Variants in MAP2 observed in about 807,000 individuals in gnomAD.
MAP2 encodes the protein microtubule-associated protein 2.
MAP2 carries 14 observed loss-of-function variants against 137.6 expected under a neutral mutation model. The ratio of observed to expected loss-of-function variants is 0.10; its 90% CI spans 0.07 to 0.16. MAP2 has a LOEUF of 0.16. MAP2 is among the 10% of genes least tolerant of loss of function. MAP2 has a pLI of 1.00. For missense variants in MAP2, 2,088 were observed against 2,191.5 expected (o/e 0.95, Z 0.94); for synonymous variants, 786 against 782.3 (o/e 1.00, Z -0.08).
chr2:209,595,684 G>A (rs749994632), intron 3 of MAP2, among the ~76,000 whole-genome samples: 3 of 152,064 alleles, frequency 2.0e-5, no homozygotes, highest in Non-Finnish European at 4.4e-5. Flanking sequence ...CCCTATTCAC[G>A]ATAGCAAAAC....
At chr2:209,448,937 T>C (rs1423107620) in intron 1 of MAP2, among the ~76,000 whole-genome samples, 1 of 152,212 alleles carries the variant, frequency 6.6e-6, no homozygotes, top group African/African-American at 2.4e-5. Context: ...ACCTGCATAC[T>C]TATGGTACTT....
rs1172416110 is a variant in MAP2, at chr2:209,485,380, C to CT, written c.-221-22202dup. ...GGATTATAAGCCCCACCTCCTATAA[C>CT]TTTTTTTTTTATTGTGTCAGAAGTT... On this transcript the variant is annotated intron_variant, in intron 1 of 15. Transcript: ENST00000682079. Among the ~76,000 whole-genome samples, 977 of 149,558 alleles carry CT rather than the reference C, an allele frequency of 6.5e-3. 8 individuals carry two copies. Among genetic ancestry groups the CT allele is most frequent in the African/African-American group, 0.022 (915 of 40,902 alleles).
At chr2:209,492,760 T>C (rs563297229) in intron 1 of MAP2, among the ~76,000 whole-genome samples, 2 of 152,244 alleles carry the variant, frequency 1.3e-5, no homozygotes, top group South Asian at 4.1e-4. Flanking sequence ...CAAGGAGAAC[T>C]ACAAACCACT....
At chr2:209,464,198 A>G (rs1448902801) in intron 1 of MAP2, among the ~76,000 whole-genome samples, 1 of 152,172 alleles carries the variant, frequency 6.6e-6, no homozygotes, top group Non-Finnish European at 1.5e-5. Context: ...ATAGATGATT[A>G]TATCTCAGTA....
intron 1 of MAP2, among the ~76,000 whole-genome samples, chr2:209,444,019 T>G (rs995999340): frequency 3.3e-5 from 5 of 151,610 alleles, no homozygotes; most frequent in African/African-American, 1.2e-4. Flanking sequence ...AACATTTCCT[T>G]TGTATAATAG....
chr2:209,629,122 A>T (rs964077707), intron 4 of MAP2, among the ~76,000 whole-genome samples: 1 of 152,228 alleles, frequency 6.6e-6, no homozygotes, highest in Non-Finnish European at 1.5e-5. Context: ...GCACATAGAC[A>T]AATCAGGAAC....
In MAP2 at chr2:209,520,000, G is replaced by A. The variant is rs143686305; in HGVS notation, c.-172+12359G>A. Among the ~76,000 whole-genome samples, 36 of 152,146 alleles carry A rather than the reference G, an allele frequency of 2.4e-4. No individual in the cohort carries two copies. The East Asian group carries it at 6.8e-3, about 29-fold the overall frequency. ...AAGGTCTTAAATTTCTACTTGAAATGTGTTTCAGACTGGACATCCTAGCTT... is the reference window on the plus strand; with the variant it reads ...AAGGTCTTAAATTTCTACTTGAAATATGTTTCAGACTGGACATCCTAGCTT... On this transcript the variant is annotated intron_variant, in intron 2 of 15. Transcript: ENST00000682079.
intron 1 of MAP2, among the ~76,000 whole-genome samples, chr2:209,447,721 A>G (rs1298156077): frequency 6.6e-6 from 1 of 152,016 alleles, no homozygotes; most frequent in East Asian, 1.9e-4. Flanking sequence ...TTGTTTCCCA[A>G]TTCTCTAAGT....
intron 5 of MAP2, among the ~76,000 whole-genome samples, chr2:209,670,758 A>G (rs2048469964): frequency 6.6e-6 from 1 of 151,996 alleles, no homozygotes; most frequent in Admixed American, 6.6e-5. Context: ...AATCCGTTTC[A>G]GAAGAGGACC....
rs1489082867 is a variant in MAP2, at chr2:209,493,881, C to G, written c.-221-13711C>G. ...ATTGTGAAAGACAGTATGGCGATTC[C>G]TCAATGATCTAGAACCAGGAATACC... On this transcript the variant is annotated intron_variant, in intron 1 of 15. Coordinates refer to ENST00000682079, the MANE Select transcript of MAP2 (RefSeq NM_001375505.1). 2.0e-5 allele frequency among the ~76,000 whole-genome samples: 3 copies of G among 152,308 alleles called. No homozygotes were observed. The East Asian group carries it at 5.8e-4, about 29-fold the overall frequency.
intron 1 of MAP2, among the ~76,000 whole-genome samples, chr2:209,463,445 A>G (rs1005894545): frequency 6.6e-6 from 1 of 151,950 alleles, no homozygotes; most frequent in Non-Finnish European, 1.5e-5. Context: ...AGGCCTGAGA[A>G]TGTTTTTCTT....
At chr2:209,667,006 T>C (rs2153652608) in intron 5 of MAP2, among the ~76,000 whole-genome samples, 1 of 151,994 alleles carries the variant, frequency 6.6e-6, no homozygotes, top group South Asian at 2.1e-4. Flanking sequence ...TAGAAAGTGG[T>C]TTTCTTCACC....
chr2:209,464,657 T>G lies in MAP2; in HGVS notation c.-222+40381T>G, dbSNP rs558163603. Among the ~76,000 whole-genome samples the G allele has an allele frequency of 2.0e-5, 3 of 152,180 alleles. No individual in the cohort carries two copies. In the South Asian group the frequency reaches 6.2e-4, roughly 32 times the overall value. On this transcript the variant is annotated intron_variant, in intron 1 of 15. Transcript: ENST00000682079. Reference sequence around the variant, plus strand: ...TTATACTGTATTTATCAGTAACACATTAATAATAAAATTGCTTAGGTTAGA... The same window carrying G: ...TTATACTGTATTTATCAGTAACACAGTAATAATAAAATTGCTTAGGTTAGA...
At chr2:209,672,301 T>C (rs920646401) in intron 5 of MAP2, among the ~76,000 whole-genome samples, 9 of 151,836 alleles carry the variant, frequency 5.9e-5, no homozygotes, top group African/African-American at 2.2e-4. Context: ...GAGGTACTCA[T>C]TGGGAAAAAT....
chr2:209,554,062 T>C (rs1444519143), intron 2 of MAP2, among the ~76,000 whole-genome samples: 1 of 152,188 alleles, frequency 6.6e-6, no homozygotes, highest in Non-Finnish European at 1.5e-5. Context: ...GTGTTCAAGA[T>C]ACCTGTTTCA....
rs2060075745 is a variant in MAP2 at position 209,695,969 on chromosome 2, G to C, written c.3799G>C (p.Glu1267Gln). ...TGACCTGGGTGTCTCAGGTGCCAGG[G>C]AGGAATTTGTGGAGACCTGCCCAAG... Reference protein sequence around the residue: ...ITDLGVSGAREEFVETCPSEH... With the variant: ...ITDLGVSGARQEFVETCPSEH... The change falls in exon 8 of 16, where the codon GAG becomes CAG. Residue 1267 changes from glutamate (E) to glutamine (Q), a missense_variant. By Grantham distance (29) the Glu-to-Gln change is conservative (BLOSUM62 2). Around this residue, in one of 6 missense-constraint regions of MAP2, gnomAD observed 591 missense variants for 642.6 expected, o/e 0.92. Transcript: ENST00000682079. 1.2e-6 allele frequency: 2 copies of C among 1,614,124 alleles called. No homozygotes were observed. Among genetic ancestry groups the C allele is most frequent in the East Asian group, 4.5e-5 (2 of 44,870 alleles).
intron 1 of MAP2, among the ~76,000 whole-genome samples, chr2:209,499,746 G>A (rs1263656593): frequency 6.6e-6 from 1 of 152,146 alleles, no homozygotes; most frequent in Non-Finnish European, 1.5e-5. Flanking sequence ...GGTGAAAGCA[G>A]GAGCAAGCCA....
At chr2:209,612,067 A>G (rs1022699184) in intron 3 of MAP2, among the ~76,000 whole-genome samples, 1 of 152,192 alleles carries the variant, frequency 6.6e-6, no homozygotes, top group Admixed American at 6.6e-5. Flanking sequence ...CATTTTACCC[A>G]AGAGAGATGG....
At chr2:209,610,306 G>A (rs1384863853) in intron 3 of MAP2, among the ~76,000 whole-genome samples, 2 of 152,056 alleles carry the variant, frequency 1.3e-5, no homozygotes, top group African/African-American at 4.8e-5. Context: ...TGTGGAATGA[G>A]GCTGGAAAGT....
Sources: allele counts gnomAD v4.1 joint callset (sites outside exome capture counted in the v4.1 genomes callset), GRCh38; gene constraint gnomAD v4.1.1; regional missense constraint gnomAD v4.1.1; transcripts MANE v1.5; gene names NCBI Gene and HGNC (gene_info 2026-07-23, HGNC 2026-07-21).